Variants in ACSM4 observed in about 807,000 individuals in gnomAD.
ACSM4 encodes the protein acyl-CoA synthetase medium chain family member 4, also known as acyl-coenzyme A synthetase ACSM4, mitochondrial.
ACSM4 carries 66 observed loss-of-function variants against 73.0 expected under a neutral mutation model. That is an observed-to-expected ratio of 0.90 (90% CI 0.74 to 1.11). The LOEUF is 1.11. ACSM4 is among the 50% of genes least tolerant of loss of function. The pLI is 0.00. For missense variants in ACSM4, 645 were observed against 714.4 expected, an observed-to-expected ratio of 0.90 and a Z score of 1.11; for synonymous variants, 222 against 254.0, an observed-to-expected ratio of 0.87 and a Z score of 1.20.
chr12:7,324,527 A>G lies in ACSM4; in HGVS notation c.1465A>G (p.Ser489Gly). ...CCGTATTGGGCCATTTGAAGTGGAG[A>G]GTGCACTCATTGAGCATCCAGCAGT... ...GYRIGPFEVE[S>G]ALIEHPAVVE... The change falls in exon 11 of 13, where the codon AGT becomes GGT. Residue 489 changes from serine (S) to glycine (G), a missense_variant. Physicochemically the swap from Ser to Gly is moderately conservative, Grantham distance 56 (BLOSUM62 0). Transcript: ENST00000399422. 6.2e-7 allele frequency: 1 copy of G among 1,613,944 alleles called. No homozygotes were observed. Among genetic ancestry groups the G allele is most frequent in the South Asian group, 1.1e-5 (1 of 91,082 alleles).
intron 3 of ACSM4, among the ~76,000 whole-genome samples, chr12:7,315,580 C>T (rs2136331662): frequency 6.6e-6 from 1 of 152,066 alleles, no homozygotes; most frequent in South Asian, 2.1e-4. Context: ...ACACTGCACT[C>T]CAGCCTGGGC....
Position 7,326,878 on chromosome 12 carries a change from T to A in ACSM4, c.1537-98T>A, listed in dbSNP as rs1946510250. On this transcript the variant is annotated intron_variant, in intron 11 of 12. Transcript: ENST00000399422. ...CATTTGCAGTCATCACACAAACTGT[T>A]ATTAATAAATAGTAAGCACCTGTGT... The A allele has an allele frequency of 3.0e-6, 4 of 1,328,472 alleles. No individual in the cohort carries two copies. The South Asian group carries it at 6.3e-5, about 21-fold the overall frequency. The allele number at this position is 1,328,472 out of a possible 1,614,324, so 82.3% of individuals were successfully genotyped here.
chr12:7,320,814 C>A lies in ACSM4; in HGVS notation c.1001+10C>A. ...AAAAAGACCTTAAGAGGTACTTGGG[C>A]AGAAATCTCCATTTGAACCACAAAC... On this transcript the variant is annotated intron_variant, in intron 6 of 12. Transcript: ENST00000399422. 2 of 1,599,130 alleles carry A rather than the reference C, an allele frequency of 1.3e-6. No homozygotes were observed. The highest frequency in any genetic ancestry group is 1.7e-6 in the Non-Finnish European group (2 of 1,166,772).
chr12:7,328,278 G>A lies in ACSM4; in HGVS notation c.1657-9G>A. The A allele has an allele frequency of 6.4e-7, 1 of 1,570,012 alleles. No individual in the cohort carries two copies. Among genetic ancestry groups the A allele is most frequent in the South Asian group, 1.2e-5 (1 of 84,930 alleles). On this transcript the variant is annotated splice_polypyrimidine_tract_variant and intron_variant, in intron 12 of 12. Transcript: ENST00000399422. ...CAAGTGTCTCATCACGTTTTTTTCT[G>A]TCAATTAGGTGGAATTTGTTCAAGA...
chr12:7,306,612 T>C lies in ACSM4; in HGVS notation c.281T>C (p.Leu94Pro). The change falls in exon 2 of 13, where the codon CTG becomes CCG. Residue 94 changes from leucine (L) to proline (P), a missense_variant. Leu to Pro is a moderately conservative substitution (Grantham distance 98). Coordinates refer to ENST00000399422, the MANE Select transcript of ACSM4 (RefSeq NM_001080454.2). ...GDEVKWSFRE[L>P]GSLSRKAANV... ...GAGGTAAAATGGAGCTTCAGAGAAC[T>C]GGGCTCCTTGTCCCGAAAAGCTGCC... The C allele has an allele frequency of 6.2e-7, 1 of 1,603,874 alleles. No homozygotes were observed. Among genetic ancestry groups the C allele is most frequent in the Non-Finnish European group, 8.5e-7 (1 of 1,175,274 alleles).
At chr12:7,319,943 C>T (rs2136334280) in intron 5 of ACSM4, among the ~76,000 whole-genome samples, 1 of 152,302 alleles carries the variant, frequency 6.6e-6, no homozygotes, top group South Asian at 2.1e-4. Flanking sequence ...ATACATTACA[C>T]TTTCTAAAAA....
At chr12:7,305,957 C>A (rs1946359382) in intron 1 of ACSM4, among the ~76,000 whole-genome samples, 1 of 152,166 alleles carries the variant, frequency 6.6e-6, no homozygotes, top group Admixed American at 6.5e-5. Flanking sequence ...AAATTGATGC[C>A]TCCCTCGACC....
Position 7,328,267 on chromosome 12 carries a change from C to T in ACSM4, c.1657-20C>T, listed in dbSNP as rs1436017289. 4 of 1,548,446 alleles carry T rather than the reference C, an allele frequency of 2.6e-6. No homozygotes were observed. Among genetic ancestry groups the T allele is most frequent in the Non-Finnish European group, 2.6e-6 (3 of 1,140,454 alleles). ...AAGGATGGAATCAAGTGTCTCATCA[C>T]GTTTTTTTCTGTCAATTAGGTGGAA... is the stretch of plus-strand genomic sequence containing the variant. On this transcript the variant is annotated intron_variant, in intron 12 of 12. Coordinates refer to ENST00000399422, the MANE Select transcript of ACSM4 (RefSeq NM_001080454.2).
chr12:7,310,745 CAGTG>C lies in ACSM4; in HGVS notation c.620+3_620+6del, dbSNP rs1254123858. On this transcript the variant is annotated splice_donor_variant and splice_donor_region_variant and coding_sequence_variant and intron_variant, in exon 3 of 13. Coordinates refer to ENST00000399422, the MANE Select transcript of ACSM4 (RefSeq NM_001080454.2). LOFTEE classifies it high-confidence loss of function. ...GTGGCTCAGCTTCCAGGAGTTATTTCAGTGAGTATTTTTCCCAGCCAATCTACAC... is the reference window on the plus strand; with the variant it reads ...GTGGCTCAGCTTCCAGGAGTTATTTCAGTATTTTTCCCAGCCAATCTACAC... 2 of 1,609,892 alleles carry C rather than the reference CAGTG, an allele frequency of 1.2e-6. No individual in the cohort carries two copies. The highest frequency in any genetic ancestry group is 1.7e-6 in the Non-Finnish European group (2 of 1,178,320).
intron 7 of ACSM4, 33 bp from the exon 8 acceptor site, chr12:7,323,201 T>C: frequency 6.4e-7 from 1 of 1,552,962 alleles, no homozygotes; most frequent in Non-Finnish European, 8.7e-7. Flanking sequence ...TATAAACTTT[T>C]GTATACTTAT....
intron 3 of ACSM4, among the ~76,000 whole-genome samples, chr12:7,316,550 A>C (rs747389484): frequency 1.3e-5 from 2 of 152,206 alleles, no homozygotes; most frequent in South Asian, 2.1e-4. Flanking sequence ...CCCAGCAGCT[A>C]TACAGGGACA....
chr12:7,319,969 G>A (rs913355322), intron 5 of ACSM4, among the ~76,000 whole-genome samples: 1 of 152,190 alleles, frequency 6.6e-6, no homozygotes, highest in Non-Finnish European at 1.5e-5. Flanking sequence ...AGACTCTGCG[G>A]AGCAGATACA....
chr12:7,324,459 T>C, intron 10 of ACSM4, 40 bp from the exon 11 acceptor site: 1 of 1,613,936 alleles, frequency 6.2e-7, no homozygotes, highest in Non-Finnish European at 8.5e-7. Context: ...GATCTCTAAC[T>C]TGGAGGATGT....
intron 3 of ACSM4, among the ~76,000 whole-genome samples, chr12:7,312,756 C>A (rs1010320405): frequency 6.6e-6 from 1 of 152,076 alleles, no homozygotes; most frequent in Non-Finnish European, 1.5e-5. Context: ...CAATTCTTAG[C>A]TTAATGCCTG....
rs1184264754 is a variant in ACSM4 at position 7,328,408 on chromosome 12, T to C, written c.*35T>C. ...AAAGCTGAAGGGTTAAGCAGTAATA[T>C]GGTTGCTTTCTTTTAGTATTTGTTC... On this transcript the variant is annotated 3_prime_UTR_variant, in exon 13 of 13. Transcript: ENST00000399422. 1 of 1,470,648 alleles carries C rather than the reference T, an allele frequency of 6.8e-7. No individual in the cohort carries two copies. The highest frequency in any genetic ancestry group is 9.2e-7 in the Non-Finnish European group (1 of 1,085,702). 91.1% of individuals were successfully genotyped at this position (1,470,648 alleles called of 1,614,324 possible). A position where few individuals can be genotyped will look rare whatever the true frequency, so the allele number is the denominator to read the frequency against.
Position 7,317,371 on chromosome 12 carries a change from T to A in ACSM4, c.764+91T>A, listed in dbSNP as rs142526887. The A allele has an allele frequency of 1.2e-4, 168 of 1,418,634 alleles. 1 individual carries two copies. The highest frequency in any genetic ancestry group is 8.2e-4 in the Admixed American group (30 of 36,584). 87.9% of individuals were successfully genotyped at this position (1,418,634 alleles called of 1,614,324 possible). On this transcript the variant is annotated intron_variant, in intron 4 of 12. Transcript: ENST00000399422. The stretch of plus-strand genomic sequence containing the variant: ...TAACTGATACTTCTCCTTGAATTGC[T>A]ATAAGATATTGGCAATTATAATAGC...
intron 11 of ACSM4, among the ~76,000 whole-genome samples, chr12:7,326,504 T>A (rs1946506855): frequency 1.3e-5 from 2 of 152,260 alleles, no homozygotes; most frequent in African/African-American, 4.8e-5. Flanking sequence ...GCCACCATGC[T>A]CAGCCCTTTC....
chr12:7,318,533 C>G (rs994008100), intron 5 of ACSM4: 6 of 183,990 alleles, frequency 3.3e-5, no homozygotes, highest in Non-Finnish European at 6.7e-5. Context: ...AAGATAATAG[C>G]TGATAAACCA....
intron 2 of ACSM4, among the ~76,000 whole-genome samples, chr12:7,308,495 T>C (rs1946372994): frequency 6.6e-6 from 1 of 152,160 alleles, no homozygotes; most frequent in South Asian, 2.1e-4. Flanking sequence ...TGCTGTAAAG[T>C]GTATGCAGTA....
Sources: allele counts gnomAD v4.1 joint callset (sites outside exome capture counted in the v4.1 genomes callset), GRCh38; gene constraint gnomAD v4.1.1; transcripts MANE v1.5; gene names NCBI Gene and HGNC (gene_info 2026-07-23, HGNC 2026-07-21).